The following ZBTB20 variants were observed in gnomAD, a reference collection of about 807,000 sequenced individuals.
ZBTB20 encodes zinc finger and BTB domain-containing protein 20.
A neutral mutation model predicts 56.9 loss-of-function variants in ZBTB20; 9 were observed. That is an observed-to-expected ratio of 0.16 (90% confidence interval 0.10 to 0.28). ZBTB20 has a LOEUF of 0.28. Among genes scored for constraint, ZBTB20 ranks in the 10% least tolerant of loss-of-function variants. The pLI is 1.00. For missense variants in ZBTB20, 655 were observed against 1,003.0 expected, an observed-to-expected ratio of 0.65 and a Z score of 4.69; for synonymous variants, 417 against 420.7, an observed-to-expected ratio of 0.99 and a Z score of 0.11.
At position 114,926,851 on chromosome 3, in the gene ZBTB20, A is replaced by G. The variant is rs114326610; in HGVS notation, c.-455-26509T>C. Among the ~76,000 whole-genome samples, 709 of 152,258 alleles carry G rather than the reference A, an allele frequency of 4.7e-3. 8 individuals carry two copies. The highest frequency in any genetic ancestry group is 0.014 in the African/African-American group (593 of 41,562). ...TGATCATAGCTCACTGAAATTTCAAACACTATCCTCCTGAGTAGCTGGGAC... is the reference window on the plus strand; with the variant it reads ...TGATCATAGCTCACTGAAATTTCAAGCACTATCCTCCTGAGTAGCTGGGAC... On this transcript the variant is annotated intron_variant, in intron 3 of 11. Transcript: ENST00000675478.
intron 4 of ZBTB20, among the ~76,000 whole-genome samples, chr3:114,865,568 C>T (rs1500881): frequency 0.75 from 114,293 of 151,956 alleles, 47,321 homozygotes; most frequent in East Asian, 0.99. Context: ...ATTTTGAAGA[C>T]ACTTACAATT....
At chr3:114,601,347 G>T (rs79751006) in intron 6 of ZBTB20, among the ~76,000 whole-genome samples, 14,213 of 152,062 alleles carry the variant, frequency 0.093, 775 homozygotes, top group African/African-American at 0.14. Context: ...TCTAGTTCTA[G>T]AACAATTCAA....
chr3:114,666,146 A>G (rs965673155), intron 6 of ZBTB20, among the ~76,000 whole-genome samples: 3 of 151,922 alleles, frequency 2.0e-5, no homozygotes, highest in African/African-American at 7.3e-5. Flanking sequence ...TTCCTGACTT[A>G]TTTCCCTTTT....
intron 4 of ZBTB20, among the ~76,000 whole-genome samples, chr3:114,896,425 A>C (rs2074881263): frequency 6.6e-6 from 1 of 152,180 alleles, no homozygotes; most frequent in South Asian, 2.1e-4. Context: ...CCATAAAAAC[A>C]AGGAAATCCT....
chr3:114,581,692 T>TAA lies in ZBTB20; in HGVS notation c.-294-81303_-294-81302dup, dbSNP rs753892002. On this transcript the variant is annotated intron_variant, in intron 6 of 11. Transcript: ENST00000675478. ...AGAGAAAATCCCAATGGCTTACAAC[T>TAA]AAAAAAAAAAAAAAAGTTAATGAGA... is the stretch of plus-strand genomic sequence containing the variant. Among the ~76,000 whole-genome samples, 1,155 of 126,426 alleles carry TAA rather than the reference T, an allele frequency of 9.1e-3. 16 individuals carry two copies. The highest frequency in any genetic ancestry group is 0.031 in the African/African-American group (1,072 of 35,074). 82.9% of individuals were successfully genotyped at this position (126,426 alleles called of 152,430 possible).
chr3:114,381,921 A>G (rs1156689768), intron 8 of ZBTB20, among the ~76,000 whole-genome samples: 1 of 152,216 alleles, frequency 6.6e-6, no homozygotes, highest in Non-Finnish European at 1.5e-5. Flanking sequence ...GACCTTATCA[A>G]TTGATTTTTG....
chr3:115,128,771 G>A (rs942479721), intron 1 of ZBTB20, among the ~76,000 whole-genome samples: 4 of 149,926 alleles, frequency 2.7e-5, no homozygotes, highest in Non-Finnish European at 4.5e-5. Flanking sequence ...GAAGGGATGG[G>A]AAGGGAGAAA....
intron 8 of ZBTB20, 133 bp downstream of exon 8, chr3:114,388,872 G>A (rs1226874770): frequency 6.6e-6 from 1 of 152,274 alleles, no homozygotes; most frequent in Non-Finnish European, 1.5e-5. Flanking sequence ...TCAGGACTGA[G>A]TCTGGTTACC....
At chr3:114,998,806 G>A (rs1490329879) in intron 2 of ZBTB20, among the ~76,000 whole-genome samples, 1 of 151,504 alleles carries the variant, frequency 6.6e-6, no homozygotes, top group Non-Finnish European at 1.5e-5. Flanking sequence ...GTTACTTATG[G>A]GTTATTCAAA....
chr3:114,492,757 T>C (rs1001785347), intron 7 of ZBTB20, among the ~76,000 whole-genome samples: 4 of 152,252 alleles, frequency 2.6e-5, no homozygotes, highest in African/African-American at 7.2e-5. Context: ...TACAGAGAGA[T>C]TTGTTATTCT....
chr3:114,624,405 T>C (rs2058527577), intron 6 of ZBTB20, among the ~76,000 whole-genome samples: 2 of 149,292 alleles, frequency 1.3e-5, no homozygotes, highest in East Asian at 1.9e-4. Flanking sequence ...ATGTACATTA[T>C]TGTCTCCCGA....
chr3:114,698,770 C>G (rs1165500076), intron 5 of ZBTB20, among the ~76,000 whole-genome samples: 3 of 152,128 alleles, frequency 2.0e-5, no homozygotes, highest in Non-Finnish European at 4.4e-5. Context: ...TTTCAGCCAT[C>G]TGAGCTTAGA....
At chr3:115,108,739 C>G (rs2083793852) in intron 1 of ZBTB20, among the ~76,000 whole-genome samples, 1 of 152,026 alleles carries the variant, frequency 6.6e-6, no homozygotes, top group African/African-American at 2.4e-5. Flanking sequence ...CGGAGTTCCT[C>G]GGAGTGACCA....
At chr3:114,777,367 G>GCCT (rs1172101730) in intron 5 of ZBTB20, among the ~76,000 whole-genome samples, 1 of 152,160 alleles carries the variant, frequency 6.6e-6, no homozygotes, top group African/African-American at 2.4e-5. Context: ...AGCCGGGCAT[G>GCCT]GTGGTGCATG....
intron 6 of ZBTB20, among the ~76,000 whole-genome samples, chr3:114,611,828 T>C (rs1353086077): frequency 6.9e-6 from 1 of 144,090 alleles, no homozygotes; most frequent in Non-Finnish European, 1.5e-5. Flanking sequence ...ATAGCCAGGT[T>C]AACTTCTAAA....
chr3:114,414,524 G>A (rs2088316009), intron 7 of ZBTB20, among the ~76,000 whole-genome samples: 1 of 151,976 alleles, frequency 6.6e-6, no homozygotes, highest in South Asian at 2.1e-4. Flanking sequence ...ATGCAAGAGT[G>A]TTGCTAGCCT....
chr3:114,528,701 A>C (rs2047506978), intron 6 of ZBTB20: 1 of 152,164 alleles, frequency 6.6e-6, no homozygotes, highest in South Asian at 2.1e-4. Flanking sequence ...TCACTGTGTG[A>C]CATCCAGAGA....
At chr3:114,646,766 A>T (rs1472362138) in intron 6 of ZBTB20, among the ~76,000 whole-genome samples, 2 of 152,172 alleles carry the variant, frequency 1.3e-5, no homozygotes, top group African/African-American at 2.4e-5. Flanking sequence ...GCGGTTGCTA[A>T]GGGTATTCCT....
chr3:114,592,962 C>T (rs2055930036), intron 6 of ZBTB20, among the ~76,000 whole-genome samples: 1 of 152,132 alleles, frequency 6.6e-6, no homozygotes, highest in Non-Finnish European at 1.5e-5. Context: ...TAAATGGTTG[C>T]TGGGTCCATG....
Sources: gnomAD v4.1 joint callset for allele counts (sites outside exome capture counted in the v4.1 genomes callset) on GRCh38, gnomAD v4.1.1 for gene constraint, MANE v1.5 for transcripts, NCBI Gene and HGNC (gene_info 2026-07-23, HGNC 2026-07-21) for gene names.